The following ZFR2 variants were observed in gnomAD, a reference collection of about 807,000 sequenced individuals.
The protein encoded by ZFR2 is zinc finger RNA binding protein 2.
Under a neutral mutation model 105.7 loss-of-function variants are expected in ZFR2, and 104 were observed. That is an observed-to-expected ratio of 0.98 (90% CI 0.84 to 1.16). ZFR2 has a LOEUF of 1.16. ZFR2 is among the 50% of genes most tolerant of loss of function. ZFR2 has a pLI of 0.00. For synonymous variants in ZFR2, 634 were observed against 597.7 expected (o/e 1.06, Z -0.89); for missense variants, 1,425 against 1,355.5 (o/e 1.05, Z -0.80).
intron 1 of ZFR2, among the ~76,000 whole-genome samples, chr19:3,843,506 C>T (rs1189513080): frequency 2.0e-5 from 3 of 148,966 alleles, no homozygotes; most frequent in African/African-American, 7.4e-5. Flanking sequence ...CGTGGTCCAT[C>T]CACACAGTGA....
chr19:3,842,552 G>A (rs1251838984), intron 1 of ZFR2, among the ~76,000 whole-genome samples: 2 of 151,834 alleles, frequency 1.3e-5, no homozygotes, highest in Non-Finnish European at 2.9e-5. Context: ...AGTATAAAAT[G>A]TAGTGGTTTT....
At chr19:3,835,057 A>G in intron 1 of ZFR2, 74 bp from the exon 2 acceptor site, 1 of 1,507,134 alleles carries the variant, frequency 6.6e-7, no homozygotes, top group South Asian at 1.2e-5. Flanking sequence ...TGACGGTGTC[A>G]ATTCCAGCCA....
chr19:3,819,016 G>A (rs762604522), intron 12 of ZFR2, 29 bp downstream of exon 12: 9 of 1,604,368 alleles, frequency 5.6e-6, no homozygotes, highest in Non-Finnish European at 5.9e-6. Context: ...GCTGAGAGCC[G>A]GGCCCTGGGG....
intron 17 of ZFR2, among the ~76,000 whole-genome samples, chr19:3,808,297 G>A (rs2037725108): frequency 1.3e-5 from 2 of 152,180 alleles, no homozygotes; most frequent in Admixed American, 6.5e-5. Context: ...TTTACATGAT[G>A]GCCCAGGCAA....
At chr19:3,811,244 C>T (rs2037760396) in intron 15 of ZFR2, 28 bp downstream of exon 15, 2 of 1,532,656 alleles carry the variant, frequency 1.3e-6, no homozygotes, top group African/African-American at 1.4e-5. Context: ...TCACCCCTCT[C>T]CCCCTGCTCC....
intron 5 of ZFR2, among the ~76,000 whole-genome samples, chr19:3,830,823 T>G (rs747142798): frequency 2.0e-5 from 3 of 152,216 alleles, no homozygotes; most frequent in African/African-American, 2.4e-5. Flanking sequence ...CTTTAAAATC[T>G]CAAGCTCGTG....
chr19:3,809,252 A>G (rs2037736285), intron 16 of ZFR2, among the ~76,000 whole-genome samples: 1 of 152,140 alleles, frequency 6.6e-6, no homozygotes, highest in African/African-American at 2.4e-5. Flanking sequence ...AGCTCACTGC[A>G]ACCTCTGCTT....
chr19:3,842,695 C>G (rs2038145838), intron 1 of ZFR2, among the ~76,000 whole-genome samples: 1 of 151,386 alleles, frequency 6.6e-6, no homozygotes, highest in Admixed American at 6.6e-5. Context: ...ATGATCTCAG[C>G]TCACTGCAAC....
chr19:3,842,010 CTTTT>C (rs566135761), intron 1 of ZFR2, among the ~76,000 whole-genome samples: 4 of 145,344 alleles, frequency 2.8e-5, no homozygotes, highest in East Asian at 2.0e-4. Context: ...AGCAGAGTGA[CTTTT>C]TTTTTTTTAT....
intron 16 of ZFR2, among the ~76,000 whole-genome samples, chr19:3,810,330 C>G (rs2037747922): frequency 2.6e-5 from 4 of 152,170 alleles, no homozygotes; most frequent in Admixed American, 2.6e-4. Context: ...CCCTTTCTAC[C>G]AGGATGGGCT....
chr19:3,810,898 C>T lies in ZFR2; in HGVS notation c.2338-53G>A, dbSNP rs553958404. 15 of 1,536,006 alleles carry T rather than the reference C, an allele frequency of 9.8e-6. No homozygotes were observed. The East Asian group carries it at 3.7e-4, about 38-fold the overall frequency. ...TTCAGGGGCTCACGTGGCCACACGG[C>T]ATGGCGCCGGGCTCTGTCGTGAGCG... On this transcript the variant is annotated intron_variant, in intron 15 of 18. Transcript: ENST00000262961.
chr19:3,835,138 C>T (rs2038066877), intron 1 of ZFR2, among the ~76,000 whole-genome samples, 155 bp from the exon 2 acceptor site: 1 of 152,136 alleles, frequency 6.6e-6, no homozygotes, highest in Non-Finnish European at 1.5e-5. Context: ...AAGCACTTTA[C>T]ACAAATTAAC....
intron 1 of ZFR2, among the ~76,000 whole-genome samples, chr19:3,861,123 C>T (rs1056554042): frequency 2.0e-5 from 3 of 152,132 alleles, no homozygotes; most frequent in Non-Finnish European, 2.9e-5. Flanking sequence ...CACAATGCCG[C>T]GGAAGCAGAG....
intron 17 of ZFR2, among the ~76,000 whole-genome samples, chr19:3,808,130 T>C (rs2037721951): frequency 6.7e-6 from 1 of 149,402 alleles, no homozygotes; most frequent in Non-Finnish European, 1.5e-5. Context: ...TGTGTGCCCG[T>C]GCGTATGTGT....
intron 1 of ZFR2, among the ~76,000 whole-genome samples, chr19:3,840,911 G>A (rs1484677140): frequency 2.0e-5 from 3 of 152,154 alleles, no homozygotes; most frequent in Non-Finnish European, 4.4e-5. Flanking sequence ...GATTTTGATG[G>A]CCATGCATGG....
intron 1 of ZFR2, among the ~76,000 whole-genome samples, chr19:3,844,516 T>C (rs1474631318): frequency 6.6e-6 from 1 of 152,088 alleles, no homozygotes; most frequent in Non-Finnish European, 1.5e-5. Flanking sequence ...TACAGGCATC[T>C]GCCACCATAC....
In ZFR2 at chr19:3,834,892, A is replaced by C; in HGVS notation, c.145T>G (p.Phe49Val). Reference sequence around the variant, plus strand: ...TACCCTGCCGGGGCAGCTGGGGGAAAGGCCGGGTTCACGGCAGGGTCCATC... The same window carrying C: ...TACCCTGCCGGGGCAGCTGGGGGAACGGCCGGGTTCACGGCAGGGTCCATC... ...PGMDPAVNPA[F>V]PPAAPAGYGG... Residue 49 changes from phenylalanine to valine, a missense_variant, in exon 2 of 19, where the codon TTT (phenylalanine) becomes GTT (valine). Coordinates refer to ENST00000262961, the MANE Select transcript of ZFR2 (RefSeq NM_015174.2). This position sits in a 1 kb window ranked among gnomAD's most constrained non-coding sequence, Gnocchi z 5.3. The C allele has an allele frequency of 1.2e-6, 2 of 1,611,998 alleles. No homozygotes were observed. Among genetic ancestry groups the C allele is most frequent in the Non-Finnish European group, 8.5e-7 (1 of 1,179,126 alleles).
rs267605412 is a variant in ZFR2 at position 3,834,957 on chromosome 19, G to A, written c.80C>T (p.Pro27Leu). The A allele has an allele frequency of 6.2e-7, 1 of 1,611,602 alleles. No individual in the cohort carries two copies. Among genetic ancestry groups the A allele is most frequent in the South Asian group, 1.1e-5 (1 of 90,640 alleles). Residue 27 changes from proline (P) to leucine (L), a missense_variant, in exon 2 of 19, where the codon CCC becomes CTC. By Grantham distance (98) the Pro-to-Leu change is moderately conservative (BLOSUM62 -3). Coordinates refer to ENST00000262961, the MANE Select transcript of ZFR2 (RefSeq NM_015174.2). The surrounding 1 kb of genome is among the most constrained non-coding windows in gnomAD (Gnocchi z 5.3). ...YSAQPPTLPL[P>L]TVGASYTAQP... ...TGCAGTATAGCTGGCCCCCACAGTGGGCAGGGGAAGGGTCGGAGGCTGGGC... is the reference window on the plus strand; with the variant it reads ...TGCAGTATAGCTGGCCCCCACAGTGAGCAGGGGAAGGGTCGGAGGCTGGGC...
At chr19:3,835,303 T>A (rs899203763) in intron 1 of ZFR2, among the ~76,000 whole-genome samples, 1 of 152,076 alleles carries the variant, frequency 6.6e-6, no homozygotes, top group Non-Finnish European at 1.5e-5. Flanking sequence ...TTTTTCTCCA[T>A]GTCAAGATTC....
Sources: gnomAD v4.1 joint callset for allele counts (sites outside exome capture counted in the v4.1 genomes callset) on GRCh38, gnomAD v4.1.1 for gene constraint, Gnocchi (gnomAD v3.1) non-coding constraint, MANE v1.5 for transcripts, NCBI Gene and HGNC (gene_info 2026-07-23, HGNC 2026-07-21) for gene names.